Variants in CDCA2 observed in about 807,000 individuals in gnomAD.
The protein encoded by CDCA2 is cell division cycle associated 2.
A neutral mutation model predicts 67.0 loss-of-function variants in CDCA2; 44 were observed. The observed-to-expected ratio is 0.66, with a 90% CI of 0.52 to 0.84. The LOEUF (loss-of-function observed/expected upper bound fraction) is 0.84, where lower values mean the gene tolerates loss of function less well. Among genes scored for constraint, CDCA2 ranks in the 40% least tolerant of loss-of-function variants. CDCA2 has a pLI of 0.00. For missense variants in CDCA2, 1,253 were observed against 1,203.2 expected, an observed-to-expected ratio of 1.04 and a Z score of -0.61; for synonymous variants, 447 against 418.7, an observed-to-expected ratio of 1.07 and a Z score of -0.82.
chr8:25,488,579 G>C lies in CDCA2; in HGVS notation c.1561G>C (p.Val521Leu). Reference protein sequence around the residue: ...NQLVSVVEESVCNLLNTEVQP... With the variant: ...NQLVSVVEESLCNLLNTEVQP... ...ATTGGTCAGTGTTGTAGAAGAGAGT[G>C]TTTGCAACTTATTGAATACAGAAGT... Residue 521 changes from valine to leucine, a missense_variant, in exon 13 of 15, where the codon GTT becomes CTT. Physicochemically the swap from Val to Leu is conservative, Grantham distance 32 (BLOSUM62 1). Coordinates refer to ENST00000330560, the MANE Select transcript of CDCA2 (RefSeq NM_152562.4). 6.2e-7 allele frequency: 1 copy of C among 1,611,920 alleles called. No homozygotes were observed. The highest frequency in any genetic ancestry group is 1.1e-5 in the South Asian group (1 of 90,606).
At position 25,488,613 on chromosome 8, in the gene CDCA2, G is replaced by T. The variant is rs754707801; in HGVS notation, c.1595G>T (p.Cys532Phe). ...CNLLNTEVQPCKEKKINRRKS... is the reference protein window; with the variant it reads ...CNLLNTEVQPFKEKKINRRKS... Reference sequence around the variant, plus strand: ...TTATTGAATACAGAAGTTCAGCCTTGTAAAGAAAAGAAAATTAATAGGAGG... The same window carrying T: ...TTATTGAATACAGAAGTTCAGCCTTTTAAAGAAAAGAAAATTAATAGGAGG... Residue 532 changes from cysteine (C) to phenylalanine (F), a missense_variant, in exon 13 of 15, where the codon TGT (cysteine) becomes TTT (phenylalanine). Physicochemically the swap from Cys to Phe is radical, Grantham distance 205. Coordinates refer to ENST00000330560, the MANE Select transcript of CDCA2 (RefSeq NM_152562.4). The T allele has an allele frequency of 2.5e-6, 4 of 1,613,132 alleles. No individual in the cohort carries two copies. In the South Asian group the frequency reaches 4.4e-5, roughly 18 times the overall value.
chr8:25,477,888 T>A (rs1477267053), intron 7 of CDCA2, among the ~76,000 whole-genome samples: 1 of 152,068 alleles, frequency 6.6e-6, no homozygotes, highest in African/African-American at 2.4e-5. Flanking sequence ...TTGCTGTATC[T>A]CAAATATTGG....
chr8:25,476,562 T>C (rs1803358034), intron 7 of CDCA2, among the ~76,000 whole-genome samples: 1 of 151,662 alleles, frequency 6.6e-6, no homozygotes, highest in Admixed American at 6.6e-5. Context: ...TTTTTTCTTT[T>C]TTTTTTTTGA....
chr8:25,468,868 T>C (rs930159774), intron 6 of CDCA2, among the ~76,000 whole-genome samples: 1 of 152,170 alleles, frequency 6.6e-6, no homozygotes, highest in Non-Finnish European at 1.5e-5. Flanking sequence ...CTTGCACTTA[T>C]ACCTGCCCCT....
chr8:25,467,491 CT>C (rs1294656930), intron 5 of CDCA2, among the ~76,000 whole-genome samples: 4 of 151,742 alleles, frequency 2.6e-5, no homozygotes, highest in Non-Finnish European at 4.4e-5. Context: ...CAGACAGTTC[CT>C]TTTTTTTAGC....
At chr8:25,486,314 G>T (rs1476920035) in intron 11 of CDCA2, among the ~76,000 whole-genome samples, 1 of 152,168 alleles carries the variant, frequency 6.6e-6, no homozygotes, top group African/African-American at 2.4e-5. Flanking sequence ...GACTTAGCTG[G>T]CAGGTGTCAT....
chr8:25,503,840 T>C (rs2117555429), intron 14 of CDCA2, among the ~76,000 whole-genome samples: 1 of 152,310 alleles, frequency 6.6e-6, no homozygotes, highest in African/African-American at 2.4e-5. Flanking sequence ...TCCTGTTTCC[T>C]TTTGTTTTTT....
At chr8:25,477,507 A>G (rs1803397493) in intron 7 of CDCA2, among the ~76,000 whole-genome samples, 2 of 152,200 alleles carry the variant, frequency 1.3e-5, no homozygotes, top group Non-Finnish European at 2.9e-5. Context: ...TTATTGGAGC[A>G]TTTCTGGATT....
intron 13 of CDCA2, among the ~76,000 whole-genome samples, chr8:25,495,722 A>G (rs1434092017): frequency 6.6e-6 from 1 of 152,132 alleles, no homozygotes; most frequent in Non-Finnish European, 1.5e-5. Context: ...GCCTGGCCCT[A>G]TAAGGGGGAT....
At chr8:25,501,170 C>T (rs748123185) in intron 13 of CDCA2, among the ~76,000 whole-genome samples, 1 of 152,194 alleles carries the variant, frequency 6.6e-6, no homozygotes, top group Non-Finnish European at 1.5e-5. Flanking sequence ...GTGGACTTCT[C>T]ATAGAATTTC....
At chr8:25,488,801 A>C in intron 13 of CDCA2, 112 bp downstream of exon 13, 1 of 1,059,674 alleles carries the variant, frequency 9.4e-7, no homozygotes. Context: ...GACCAAGATT[A>C]TTAATGCAAT....
chr8:25,497,511 A>T (rs1456819814), intron 13 of CDCA2, among the ~76,000 whole-genome samples: 1 of 95,826 alleles, frequency 1.0e-5, no homozygotes, highest in Non-Finnish European at 2.7e-5. Flanking sequence ...AAAAATAAAA[A>T]AAAAAAAAAC....
At chr8:25,491,936 T>C (rs1290065339) in intron 13 of CDCA2, among the ~76,000 whole-genome samples, 1 of 152,172 alleles carries the variant, frequency 6.6e-6, no homozygotes, top group Non-Finnish European at 1.5e-5. Flanking sequence ...TAGCTGGGAC[T>C]ACAGGAACGC....
intron 1 of CDCA2, among the ~76,000 whole-genome samples, chr8:25,459,735 G>A (rs1041687131): frequency 3.9e-5 from 6 of 152,162 alleles, no homozygotes; most frequent in South Asian, 2.1e-4. Context: ...CTGAACAGCA[G>A]TTTTCTCCAT....
intron 8 of CDCA2, among the ~76,000 whole-genome samples, chr8:25,480,635 C>T (rs1468512529): frequency 1.3e-5 from 2 of 151,920 alleles, no homozygotes; most frequent in Non-Finnish European, 2.9e-5. Flanking sequence ...ACAGTTCTGG[C>T]ATATATATAT....
intron 13 of CDCA2, among the ~76,000 whole-genome samples, chr8:25,489,487 A>G (rs1481654636): frequency 6.6e-6 from 1 of 152,126 alleles, no homozygotes; most frequent in East Asian, 1.9e-4. Context: ...TCATCCATCC[A>G]GCAAAATTTC....
intron 5 of CDCA2, among the ~76,000 whole-genome samples, chr8:25,467,827 G>A (rs17546848): frequency 0.4 from 61,316 of 151,750 alleles, 12,782 homozygotes; most frequent in African/African-American, 0.52. Context: ...CTAAAATTAC[G>A]ATGCACAATA....
At chr8:25,466,129 G>A in intron 4 of CDCA2, 46 bp from the exon 5 acceptor site, 1 of 1,545,612 alleles carries the variant, frequency 6.5e-7, no homozygotes, top group East Asian at 2.4e-5. Context: ...AATATAGAAA[G>A]TATGAATTGA....
intron 4 of CDCA2, among the ~76,000 whole-genome samples, chr8:25,465,421 G>A (rs1802861236): frequency 6.6e-6 from 1 of 152,082 alleles, no homozygotes; most frequent in Non-Finnish European, 1.5e-5. Flanking sequence ...AACTTCATTT[G>A]TAATTTAATT....
Sources: gnomAD v4.1 joint callset for allele counts (sites outside exome capture counted in the v4.1 genomes callset) on GRCh38, gnomAD v4.1.1 for gene constraint, MANE v1.5 for transcripts, NCBI Gene and HGNC (gene_info 2026-07-23, HGNC 2026-07-21) for gene names.